OPRM1: variants seen among roughly 807,000 people sequenced by gnomAD.
The protein encoded by OPRM1 is opioid receptor mu 1, also known as mu-type opioid receptor.
OPRM1 carries 27 observed loss-of-function variants against 31.8 expected under a neutral mutation model. That is an observed-to-expected ratio of 0.85 (90% confidence interval 0.63 to 1.17). The LOEUF (loss-of-function observed/expected upper bound fraction) is 1.17. Among genes scored for constraint, OPRM1 ranks in the 50% most tolerant of loss-of-function variants. The pLI is 0.00. For missense variants in OPRM1, 536 were observed against 511.1 expected, an observed-to-expected ratio of 1.05 and a Z score of -0.47; for synonymous variants, 196 against 189.9, an observed-to-expected ratio of 1.03 and a Z score of -0.26.
rs1331401805 is a variant in OPRM1, at chr6:154,055,764, T to C, written c.290+15930T>C. ...AACTGCAACTCATTTGGTTCCCTAC[T>C]GTTAAGTCTTTTTATATTGTCTAAT... On this transcript the variant is annotated intron_variant, in intron 1 of 3. Coordinates refer to ENST00000330432, the MANE Select transcript of OPRM1 (RefSeq NM_000914.5). Among the ~76,000 whole-genome samples, 3 of 152,204 alleles carry C rather than the reference T, an allele frequency of 2.0e-5. No homozygotes were observed. In the East Asian group the frequency reaches 5.8e-4, roughly 29 times the overall value.
In OPRM1 at chr6:154,058,328, G is replaced by A. The variant is rs9397680; in HGVS notation, c.290+18494G>A. ...GTTTTTATTCACACATTTGTTTGAA[G>A]TTAAGTTGATATTAAAACAGAATAT... is the stretch of plus-strand genomic sequence containing the variant. On this transcript the variant is annotated intron_variant, in intron 1 of 3. Coordinates refer to ENST00000330432, the MANE Select transcript of OPRM1 (RefSeq NM_000914.5). 7.8e-4 allele frequency among the ~76,000 whole-genome samples: 119 copies of A among 152,266 alleles called. 3 individuals carry two copies. The East Asian group carries it at 0.02, about 25-fold the overall frequency.
intron 1 of OPRM1, among the ~76,000 whole-genome samples, chr6:154,082,620 T>C (rs1429140249): frequency 6.6e-6 from 1 of 152,220 alleles, no homozygotes; most frequent in East Asian, 1.9e-4. Context: ...TCGCTAGTAA[T>C]GTATACTTGA....
chr6:154,223,271 A>T, intron 3 of OPRM1: 1 of 1,541,102 alleles, frequency 6.5e-7, no homozygotes, highest in Non-Finnish European at 8.9e-7. Context: ...CACAAATAGG[A>T]ATGAATGCAT....
At chr6:154,197,616 C>T (rs1776718267) in intron 3 of OPRM1, among the ~76,000 whole-genome samples, 1 of 152,208 alleles carries the variant, frequency 6.6e-6, no homozygotes, top group South Asian at 2.1e-4. Flanking sequence ...TTCATTCTTA[C>T]ATTAAAAGGG....
chr6:154,207,856 G>A (rs1301603111), intron 3 of OPRM1, among the ~76,000 whole-genome samples: 1 of 152,162 alleles, frequency 6.6e-6, no homozygotes, highest in Non-Finnish European at 1.5e-5. Flanking sequence ...CTAGAAGCTG[G>A]AATTAGAAAT....
At position 154,091,427 on chromosome 6, in the gene OPRM1, A is replaced by G; in HGVS notation, c.1119A>G (p.Arg373=). ...CCACTCGAATTCGTCAGAACACTAG[A>G]GACCACCCCTCCACGGCCAATACAG... ...QNSTRIRQNT[R]DHPSTANTVD... is the part of the protein sequence containing the mutation. Residue 373 remains arginine (R), a synonymous_variant, in exon 3 of 4, where the codon AGA becomes AGG. Transcript: ENST00000330432. 6.2e-7 allele frequency: 1 copy of G among 1,613,928 alleles called. No individual in the cohort carries two copies. The highest frequency in any genetic ancestry group is 8.5e-7 in the Non-Finnish European group (1 of 1,180,040).
chr6:154,020,488 A>G (rs1165427489), intron 1 of OPRM1, among the ~76,000 whole-genome samples: 1 of 152,230 alleles, frequency 6.6e-6, no homozygotes, highest in Non-Finnish European at 1.5e-5. Flanking sequence ...ATAATTCTGG[A>G]AAGATAATTT....
intron 3 of OPRM1, chr6:154,217,182 C>A: frequency 6.1e-6 from 1 of 164,710 alleles, no homozygotes; most frequent in East Asian, 1.6e-4. Context: ...GGCTGGTGGC[C>A]CAACAAGAAT....
intron 1 of OPRM1, among the ~76,000 whole-genome samples, chr6:154,019,821 C>A (rs1397588779): frequency 6.7e-6 from 1 of 150,326 alleles, no homozygotes; most frequent in East Asian, 2.0e-4. Flanking sequence ...GCAGCCTCTC[C>A]TTTCCGGGCT....
intron 1 of OPRM1, among the ~76,000 whole-genome samples, chr6:154,066,393 G>A (rs1204881538): frequency 6.6e-6 from 1 of 152,010 alleles, no homozygotes; most frequent in Non-Finnish European, 1.5e-5. Flanking sequence ...GAAGCCATCA[G>A]GACCAGGGCT....
intron 3 of OPRM1, among the ~76,000 whole-genome samples, chr6:154,238,127 TAGTG>T (rs1780285588): frequency 6.6e-6 from 1 of 152,250 alleles, no homozygotes; most frequent in South Asian, 2.1e-4. Context: ...ATGTATTACT[TAGTG>T]AGACAATCAA....
rs1032799007 is a variant in OPRM1 at position 154,131,874 on chromosome 6, A to T, written c.*13153A>T. On this transcript the variant is annotated 3_prime_UTR_variant, in exon 4 of 4. Transcript: ENST00000330432. ...TTTGTTGTGATAATGCACAAAAAGG[A>T]ATGTTAAAAAAAAACACACAACATT... 6.6e-6 allele frequency among the ~76,000 whole-genome samples: 1 copy of T among 151,744 alleles called. No homozygotes were observed. The highest frequency in any genetic ancestry group is 1.9e-4 in the East Asian group (1 of 5,176).
In OPRM1 at chr6:154,207,128, G is replaced by A. The variant is rs536221263; in HGVS notation, c.1165-39565G>A. 1.6e-4 allele frequency among the ~76,000 whole-genome samples: 24 copies of A among 152,346 alleles called. 2 individuals carry two copies. Among genetic ancestry groups the A allele is most frequent in the South Asian group, 1.2e-3 (6 of 4,822 alleles). ...TATTTCAATAACTCAGGTCAGGGCT[G>A]ATGAGGGCCTCAACTAGGCAGTGGG... On this transcript the variant is annotated intron_variant, in intron 3 of 3. Coordinates refer to the OPRM1 transcript ENST00000337049.
upstream of OPRM1, among the ~76,000 whole-genome samples, chr6:154,034,218 A>G (rs1047208827): frequency 6.6e-6 from 1 of 152,188 alleles, no homozygotes; most frequent in Non-Finnish European, 1.5e-5. Context: ...AACTAAATTA[A>G]CCACTTTTTC....
chr6:154,200,513 G>A (rs563213106), intron 3 of OPRM1, among the ~76,000 whole-genome samples: 1 of 152,282 alleles, frequency 6.6e-6, no homozygotes, highest in African/African-American at 2.4e-5. Flanking sequence ...CTGAGGCCGG[G>A]AGTTTGAGAC....
In OPRM1 at chr6:154,127,999, C is replaced by T. The variant is rs533140712; in HGVS notation, c.*9278C>T. ...TTATTTCTCAAGGGACCAGAGAAAA[C>T]CAATAGGCCTACTCCCCAGCTGAGT... On this transcript the variant is annotated 3_prime_UTR_variant, in exon 4 of 4. Transcript: ENST00000330432. Among the ~76,000 whole-genome samples the T allele has an allele frequency of 6.6e-6, 1 of 152,138 alleles. No individual in the cohort carries two copies. Among genetic ancestry groups the T allele is most frequent in the Non-Finnish European group, 1.5e-5 (1 of 68,034 alleles).
intron 3 of OPRM1, among the ~76,000 whole-genome samples, chr6:154,220,657 T>C (rs1055827989): frequency 2.6e-5 from 4 of 151,980 alleles, no homozygotes; most frequent in East Asian, 3.9e-4. Flanking sequence ...AATAAATAAA[T>C]AAATAACAGC....
At chr6:154,048,743 A>T (rs527271702) in intron 1 of OPRM1, among the ~76,000 whole-genome samples, 1 of 152,358 alleles carries the variant, frequency 6.6e-6, no homozygotes, top group East Asian at 1.9e-4. Flanking sequence ...TGTACCATAG[A>T]TACATATTAG....
chr6:154,050,893 A>G (rs1782071743), intron 1 of OPRM1, among the ~76,000 whole-genome samples: 1 of 152,174 alleles, frequency 6.6e-6, no homozygotes, highest in African/African-American at 2.4e-5. Flanking sequence ...CACCTACTAC[A>G]TAGCCACAAA....
Sources: gnomAD v4.1 joint callset for allele counts (sites outside exome capture counted in the v4.1 genomes callset) on GRCh38, gnomAD v4.1.1 for gene constraint, MANE v1.5 for transcripts, NCBI Gene and HGNC (gene_info 2026-07-23, HGNC 2026-07-21) for gene names.